CNTN5: variants seen among roughly 807,000 people sequenced by gnomAD.
CNTN5 encodes the protein contactin 5.
Under a neutral mutation model 129.1 loss-of-function variants are expected in CNTN5, and 77 were observed. The observed-to-expected ratio is 0.60, with a 90% CI of 0.50 to 0.72. The LOEUF (loss-of-function observed/expected upper bound fraction) is 0.72. Ranked by LOEUF, CNTN5 falls within the 30% of genes least tolerant of loss-of-function variation. CNTN5 has a pLI of 0.00. For missense variants in CNTN5, 1,478 were observed against 1,328.8 expected, an observed-to-expected ratio of 1.11 and a Z score of -1.75; for synonymous variants, 509 against 465.6, an observed-to-expected ratio of 1.09 and a Z score of -1.20.
chr11:100,081,854 T>A (rs1278945270), intron 13 of CNTN5, among the ~76,000 whole-genome samples: 3 of 152,170 alleles, frequency 2.0e-5, no homozygotes, highest in African/African-American at 4.8e-5. Flanking sequence ...ACCTTGAGCG[T>A]TTGACTACAG....
chr11:99,636,440 T>G lies in CNTN5; in HGVS notation c.55+80171T>G, dbSNP rs77545907. Among the ~76,000 whole-genome samples, 615 of 152,150 alleles carry G rather than the reference T, an allele frequency of 4.0e-3. 19 individuals are homozygous for G. In the East Asian group the frequency reaches 0.09, roughly 22 times the overall value. Reference sequence around the variant, plus strand: ...CTCTTCAGATCCACTTTCCACCCTTTTCTGTTCTGGCCTATCAGTGTTCTA... The same window carrying G: ...CTCTTCAGATCCACTTTCCACCCTTGTCTGTTCTGGCCTATCAGTGTTCTA... On this transcript the variant is annotated intron_variant, in intron 3 of 24. Transcript: ENST00000524871.
At chr11:99,914,007 T>C (rs2136003687) in intron 6 of CNTN5, among the ~76,000 whole-genome samples, 1 of 152,164 alleles carries the variant, frequency 6.6e-6, no homozygotes, top group South Asian at 2.1e-4. Context: ...CCCAGTACTT[T>C]GGGAAACAGA....
chr11:99,678,950 A>G (rs950060562), intron 3 of CNTN5, among the ~76,000 whole-genome samples: 1 of 149,078 alleles, frequency 6.7e-6, no homozygotes, highest in Non-Finnish European at 1.5e-5. Flanking sequence ...TGTATCTGCT[A>G]TTCACTCTCT....
intron 16 of CNTN5, among the ~76,000 whole-genome samples, chr11:100,241,490 T>C (rs1226167820): frequency 6.6e-6 from 1 of 152,228 alleles, no homozygotes; most frequent in East Asian, 1.9e-4. Context: ...CTTTTAAACA[T>C]AGTGCTCTAG....
At chr11:99,882,694 C>G (rs187836166) in intron 6 of CNTN5, among the ~76,000 whole-genome samples, 1 of 152,052 alleles carries the variant, frequency 6.6e-6, no homozygotes, top group African/African-American at 2.4e-5. Context: ...TAGCATTTAT[C>G]TTTTGTGTTA....
In CNTN5 at chr11:100,070,452, T is replaced by C. The variant is rs202208191; in HGVS notation, c.1191T>C (p.Asn397=). Residue 397 remains asparagine (N), a synonymous_variant, in exon 11 of 25, where the codon AAT becomes AAC. Transcript: ENST00000524871. ...YTYPHWVEKL[N]DTQLDSGSPL... is the part of the protein sequence containing the mutation. ...ACCCACACTGGGTAGAAAAACTGAA[T>C]GATACTCAGTTAGACAGTGGGAGCC... 2.4e-4 allele frequency: 381 copies of C among 1,612,364 alleles called. No individual in the cohort carries two copies. The highest frequency in any genetic ancestry group is 2.4e-4 in the Non-Finnish European group (278 of 1,179,160).
At chr11:99,547,666 A>G (rs556257130) in intron 2 of CNTN5, among the ~76,000 whole-genome samples, 113 of 152,320 alleles carry the variant, frequency 7.4e-4, no homozygotes, top group African/African-American at 2.7e-3. Flanking sequence ...CTTCTGAGTA[A>G]TACAAGTTGA....
At chr11:99,216,773 G>A (rs759610593) in intron 1 of CNTN5, among the ~76,000 whole-genome samples, 19 of 152,006 alleles carry the variant, frequency 1.2e-4, no homozygotes, top group Non-Finnish European at 2.2e-4. Flanking sequence ...AGCAAAAAAG[G>A]ACAAATGGGA....
intron 3 of CNTN5, among the ~76,000 whole-genome samples, chr11:99,585,810 T>C (rs746041412): frequency 2.0e-5 from 3 of 152,148 alleles, no homozygotes; most frequent in Non-Finnish European, 2.9e-5. Context: ...ATCTGAAACA[T>C]TTTGTAATTC....
chr11:99,575,380 C>T (rs1050673834), intron 3 of CNTN5, among the ~76,000 whole-genome samples: 4 of 152,200 alleles, frequency 2.6e-5, no homozygotes, highest in East Asian at 1.9e-4. Flanking sequence ...TTCTTTACCT[C>T]GGAATAGGTA....
intron 1 of CNTN5, among the ~76,000 whole-genome samples, chr11:99,294,416 C>T (rs1272206804): frequency 6.6e-6 from 1 of 152,008 alleles, no homozygotes; most frequent in African/African-American, 2.4e-5. Flanking sequence ...ATCCCATTTA[C>T]AATGAGTATG....
chr11:99,401,412 G>A, intron 2 of CNTN5, among the ~76,000 whole-genome samples: 1 of 152,014 alleles, frequency 6.6e-6, no homozygotes, highest in East Asian at 1.9e-4. Context: ...TTGTTCATGG[G>A]TTCTCTATTC....
chr11:99,804,246 T>G (rs1407774224), intron 3 of CNTN5, among the ~76,000 whole-genome samples: 1 of 152,104 alleles, frequency 6.6e-6, no homozygotes, highest in Admixed American at 6.5e-5. Flanking sequence ...CTTGATAAGT[T>G]GATTAAAGGA....
chr11:99,085,651 T>C (rs1365378191), intron 1 of CNTN5, among the ~76,000 whole-genome samples: 1 of 152,192 alleles, frequency 6.6e-6, no homozygotes, highest in African/African-American at 2.4e-5. Flanking sequence ...ATAATTTTGT[T>C]ATTTTGGAAT....
intron 1 of CNTN5, among the ~76,000 whole-genome samples, chr11:99,244,991 C>T (rs569669175): frequency 2.6e-5 from 4 of 152,146 alleles, no homozygotes; most frequent in Non-Finnish European, 5.9e-5. Context: ...TCCCGTGAAA[C>T]GTTCATTGAA....
intron 3 of CNTN5, among the ~76,000 whole-genome samples, chr11:99,722,667 C>T (rs949312387): frequency 6.6e-6 from 1 of 151,944 alleles, no homozygotes; most frequent in Non-Finnish European, 1.5e-5. Flanking sequence ...TCTAGTCAAC[C>T]CTAATCTTCT....
At chr11:99,302,496 T>C (rs1416301222) in intron 1 of CNTN5, among the ~76,000 whole-genome samples, 1 of 151,914 alleles carries the variant, frequency 6.6e-6, no homozygotes, top group East Asian at 1.9e-4. Flanking sequence ...TACTAAATGG[T>C]ATGCTGTTTA....
intron 6 of CNTN5, among the ~76,000 whole-genome samples, chr11:99,853,549 G>C (rs556617177): frequency 6.6e-6 from 1 of 151,996 alleles, no homozygotes; most frequent in South Asian, 2.1e-4. Context: ...ACAGGCATGC[G>C]CCACCATGCC....
intron 3 of CNTN5, among the ~76,000 whole-genome samples, chr11:99,721,180 C>T (rs987216104): frequency 2.0e-5 from 3 of 152,010 alleles, no homozygotes; most frequent in East Asian, 1.9e-4. Context: ...GAGTAGCCAA[C>T]GCCTTCCTAA....
Sources: gnomAD v4.1 joint callset for allele counts (sites outside exome capture counted in the v4.1 genomes callset) on GRCh38, gnomAD v4.1.1 for gene constraint, MANE v1.5 for transcripts, NCBI Gene and HGNC (gene_info 2026-07-23, HGNC 2026-07-21) for gene names.